The following AGBL4 variants were observed in gnomAD, a reference collection of about 807,000 sequenced individuals.
AGBL4 encodes cytosolic carboxypeptidase 6.
In AGBL4, 58 loss-of-function variants were observed where a neutral mutation model predicts 66.4. That is an observed-to-expected ratio of 0.87 (90% confidence interval 0.71 to 1.09). AGBL4 has a LOEUF of 1.09. Among genes scored for constraint, AGBL4 ranks in the 50% least tolerant of loss-of-function variants. The pLI, the probability that AGBL4 is intolerant of heterozygous loss-of-function variation, is 0.00. For synonymous variants in AGBL4, 234 were observed against 222.9 expected, an observed-to-expected ratio of 1.05 and a Z score of -0.44; for missense variants, 579 against 631.0, an observed-to-expected ratio of 0.92 and a Z score of 0.88.
intron 4 of AGBL4, among the ~76,000 whole-genome samples, chr1:49,152,007 CAT>C (rs1340710708): frequency 6.7e-6 from 1 of 150,090 alleles, no homozygotes; most frequent in East Asian, 2.0e-4. Flanking sequence ...AAAAAAAAAA[CAT>C]AAAATGTAAC....
At chr1:48,731,739 AACTTAAAGT>A (rs1036080026) in intron 6 of AGBL4, among the ~76,000 whole-genome samples, 12 of 152,242 alleles carry the variant, frequency 7.9e-5, no homozygotes, top group Non-Finnish European at 1.5e-5. Flanking sequence ...CCATGGTAAT[AACTTAAAGT>A]TCAAGGGGAA....
chr1:49,112,029 A>G (rs1282483954), intron 4 of AGBL4, among the ~76,000 whole-genome samples: 1 of 152,190 alleles, frequency 6.6e-6, no homozygotes, highest in East Asian at 1.9e-4. Context: ...CAAGTAACAT[A>G]ATGTAGTAGT....
chr1:49,491,488 G>T (rs2148744201), intron 3 of AGBL4, among the ~76,000 whole-genome samples: 1 of 151,944 alleles, frequency 6.6e-6, no homozygotes, highest in East Asian at 1.9e-4. Flanking sequence ...ACTTTGAAAT[G>T]CCACATTTGA....
intron 6 of AGBL4, among the ~76,000 whole-genome samples, chr1:48,728,589 T>C (rs1478180686): frequency 6.6e-6 from 1 of 152,074 alleles, no homozygotes; most frequent in African/African-American, 2.4e-5. Flanking sequence ...ATTGTATGGC[T>C]CTATCACAAT....
In AGBL4 at chr1:49,673,686, ATT is replaced by A. The variant is rs1336619270; in HGVS notation, c.282+23625_282+23626del. Among the ~76,000 whole-genome samples, 7 of 152,264 alleles carry A rather than the reference ATT, an allele frequency of 4.6e-5. No individual in the cohort carries two copies. In the South Asian group the frequency reaches 1.5e-3, roughly 32 times the overall value. On this transcript the variant is annotated intron_variant, in intron 3 of 13. Transcript: ENST00000371839. ...AAACTTTAATGTTTATTCGGTGAAT[ATT>A]TACAGAGCACTTAGTTTGTCTAGGT...
At chr1:49,110,134 C>T (rs985089728) in intron 4 of AGBL4, among the ~76,000 whole-genome samples, 2 of 152,168 alleles carry the variant, frequency 1.3e-5, no homozygotes, top group African/African-American at 2.4e-5. Context: ...AGCCATCAGT[C>T]CCCTTCCTGT....
intron 4 of AGBL4, among the ~76,000 whole-genome samples, chr1:49,048,807 A>G (rs1179082388): frequency 6.6e-6 from 1 of 151,860 alleles, no homozygotes; most frequent in Non-Finnish European, 1.5e-5. Flanking sequence ...AAGAGAGGAA[A>G]AAAAAAAAAG....
intron 5 of AGBL4, among the ~76,000 whole-genome samples, chr1:48,896,169 G>T (rs1329467609): frequency 6.6e-6 from 1 of 152,052 alleles, no homozygotes; most frequent in African/African-American, 2.4e-5. Context: ...AGGCCCCTAG[G>T]TACTCCCCCT....
chr1:49,563,610 T>C (rs1438335113), intron 3 of AGBL4, among the ~76,000 whole-genome samples: 1 of 152,204 alleles, frequency 6.6e-6, no homozygotes, highest in Non-Finnish European at 1.5e-5. Context: ...CTGGATTACA[T>C]TTATTGATTT....
chr1:49,877,519 A>C (rs1463152862), intron 1 of AGBL4, among the ~76,000 whole-genome samples: 5 of 151,116 alleles, frequency 3.3e-5, no homozygotes, highest in Admixed American at 6.6e-5. Flanking sequence ...CCACTTGATC[A>C]TGGTGGATAA....
At chr1:48,659,065 C>G (rs1050156202) in intron 7 of AGBL4, among the ~76,000 whole-genome samples, 1 of 152,124 alleles carries the variant, frequency 6.6e-6, no homozygotes, top group African/African-American at 2.4e-5. Flanking sequence ...CAGGTGACAT[C>G]CAGTGAATCC....
intron 3 of AGBL4, among the ~76,000 whole-genome samples, chr1:49,311,387 T>C (rs1644938888): frequency 6.6e-6 from 1 of 152,068 alleles, no homozygotes; most frequent in Non-Finnish European, 1.5e-5. Flanking sequence ...CCATGTACAG[T>C]TCCCAGAAAC....
chr1:48,873,329 C>T (rs772919089), intron 5 of AGBL4, among the ~76,000 whole-genome samples: 1 of 152,180 alleles, frequency 6.6e-6, no homozygotes, highest in Non-Finnish European at 1.5e-5. Context: ...ACCCCATACC[C>T]AAACTAGTGA....
chr1:49,536,013 A>C (rs1169263068), intron 3 of AGBL4, among the ~76,000 whole-genome samples: 1 of 152,168 alleles, frequency 6.6e-6, no homozygotes, highest in Non-Finnish European at 1.5e-5. Context: ...CAGAAGAATA[A>C]ATTTTATTGA....
At chr1:49,223,650 T>TA (rs1174391787) in intron 4 of AGBL4, among the ~76,000 whole-genome samples, 1 of 152,220 alleles carries the variant, frequency 6.6e-6, no homozygotes, top group African/African-American at 2.4e-5. Context: ...GCGACCCTTC[T>TA]AAATGCAGGG....
chr1:48,702,057 T>G (rs1180072067), intron 6 of AGBL4, among the ~76,000 whole-genome samples: 2 of 152,144 alleles, frequency 1.3e-5, no homozygotes, highest in Non-Finnish European at 2.9e-5. Flanking sequence ...TGGGGGTGGG[T>G]AATTTCAGCA....
At chr1:49,001,390 C>T (rs3121273) in intron 5 of AGBL4, among the ~76,000 whole-genome samples, 66,710 of 152,014 alleles carry the variant, frequency 0.44, 16,889 homozygotes, top group Non-Finnish European at 0.58. Flanking sequence ...TTGGTATTCT[C>T]GCCTATAAAA....
At chr1:48,986,809 A>G (rs1660210769) in intron 5 of AGBL4, among the ~76,000 whole-genome samples, 1 of 152,088 alleles carries the variant, frequency 6.6e-6, no homozygotes, top group African/African-American at 2.4e-5. Flanking sequence ...AGATTTTACT[A>G]TTCAAATAAA....
At chr1:48,575,301 GGAGATCCTTA>G (rs1318218256) in intron 11 of AGBL4, among the ~76,000 whole-genome samples, 1 of 152,192 alleles carries the variant, frequency 6.6e-6, no homozygotes, top group Non-Finnish European at 1.5e-5. Flanking sequence ...TCAGGAGGAA[GGAGATCCTTA>G]GATTTACTTT....
Sources: gnomAD v4.1 joint callset for allele counts (sites outside exome capture counted in the v4.1 genomes callset) on GRCh38, gnomAD v4.1.1 for gene constraint, MANE v1.5 for transcripts, NCBI Gene and HGNC (gene_info 2026-07-23, HGNC 2026-07-21) for gene names.